The following PTPRK variants were observed in gnomAD, a reference collection of about 807,000 sequenced individuals.
PTPRK encodes the protein receptor-type tyrosine-protein phosphatase kappa.
In PTPRK, 75 loss-of-function variants were observed where a neutral mutation model predicts 178.0. The ratio of observed to expected loss-of-function variants is 0.42; its 90% CI spans 0.35 to 0.51. The LOEUF (loss-of-function observed/expected upper bound fraction) is 0.51, where lower values mean the gene tolerates loss of function less well. Ranked by LOEUF, PTPRK falls within the 20% of genes least tolerant of loss-of-function variation. The pLI, the probability that PTPRK is intolerant of heterozygous loss-of-function variation, is 0.02. For missense variants in PTPRK, 1,441 were observed against 1,797.8 expected, an observed-to-expected ratio of 0.80 and a Z score of 3.59; for synonymous variants, 637 against 620.6, an observed-to-expected ratio of 1.03 and a Z score of -0.39.
intron 10 of PTPRK, 131 bp from the exon 11 acceptor site, chr6:128,079,049 T>G: frequency 2.0e-6 from 1 of 493,228 alleles, no homozygotes; most frequent in East Asian, 3.0e-5. Context: ...TTTTGTTTTA[T>G]AGCATAACAT....
intron 7 of PTPRK, among the ~76,000 whole-genome samples, chr6:128,147,947 A>G (rs976005077): frequency 6.6e-6 from 1 of 152,014 alleles, no homozygotes; most frequent in African/African-American, 2.4e-5. Flanking sequence ...TATTGTGGAG[A>G]AGGTTAAAAG....
chr6:128,428,782 T>C (rs1195609738), intron 1 of PTPRK, among the ~76,000 whole-genome samples: 1 of 152,224 alleles, frequency 6.6e-6, no homozygotes, highest in Non-Finnish European at 1.5e-5. Context: ...AAAGGTCATA[T>C]ACATTCAGTA....
chr6:128,074,742 T>C (rs937423962), intron 11 of PTPRK, among the ~76,000 whole-genome samples: 1 of 152,048 alleles, frequency 6.6e-6, no homozygotes, highest in Admixed American at 6.6e-5. Flanking sequence ...TACATTAGCA[T>C]AGGGAAGCAG....
intron 5 of PTPRK, among the ~76,000 whole-genome samples, chr6:128,237,462 C>T (rs1813500264): frequency 6.6e-6 from 1 of 152,096 alleles, no homozygotes; most frequent in Non-Finnish European, 1.5e-5. Context: ...TTTCCCCATG[C>T]AAAACGAATT....
chr6:128,162,843 T>C (rs1483283915), intron 7 of PTPRK, among the ~76,000 whole-genome samples: 3 of 151,648 alleles, frequency 2.0e-5, no homozygotes, highest in Admixed American at 6.6e-5. Context: ...TTTTTCTATG[T>C]GATTAGCACA....
At chr6:128,063,155 C>T (rs1284167663) in intron 13 of PTPRK, among the ~76,000 whole-genome samples, 1 of 152,156 alleles carries the variant, frequency 6.6e-6, no homozygotes, top group Non-Finnish European at 1.5e-5. Flanking sequence ...CTACACCACA[C>T]CACACTGCAT....
chr6:128,190,283 A>C (rs777988330), intron 6 of PTPRK, among the ~76,000 whole-genome samples: 1 of 152,078 alleles, frequency 6.6e-6, no homozygotes, highest in Non-Finnish European at 1.5e-5. Flanking sequence ...TCAAATTTTC[A>C]GTTCTCACAA....
At chr6:128,212,175 T>C (rs1808310794) in intron 6 of PTPRK, among the ~76,000 whole-genome samples, 1 of 152,098 alleles carries the variant, frequency 6.6e-6, no homozygotes, top group Admixed American at 6.6e-5. Context: ...TACTCAATAA[T>C]TCTACATTTC....
intron 6 of PTPRK, among the ~76,000 whole-genome samples, chr6:128,207,909 T>C (rs1807265233): frequency 6.6e-6 from 1 of 152,078 alleles, no homozygotes; most frequent in African/African-American, 2.4e-5. Flanking sequence ...AAGGTTTTAA[T>C]TCAGCTCCAT....
At chr6:128,221,509 G>C (rs183826955) in intron 5 of PTPRK, among the ~76,000 whole-genome samples, 1 of 148,708 alleles carries the variant, frequency 6.7e-6, no homozygotes, top group East Asian at 2.0e-4. Context: ...GGGTGATAGA[G>C]CAAGATTCTG....
intron 2 of PTPRK, among the ~76,000 whole-genome samples, chr6:128,346,753 G>A (rs1475034187): frequency 1.3e-5 from 2 of 152,016 alleles, no homozygotes; most frequent in Non-Finnish European, 2.9e-5. Flanking sequence ...CCCTTCATCT[G>A]TCAAACAGAG....
chr6:128,507,871 C>T (rs1856598480), intron 1 of PTPRK, among the ~76,000 whole-genome samples: 1 of 152,186 alleles, frequency 6.6e-6, no homozygotes, highest in South Asian at 2.1e-4. Flanking sequence ...GCTCTCTCCT[C>T]TGCCTGACTT....
intron 3 of PTPRK, among the ~76,000 whole-genome samples, chr6:128,289,081 C>A (rs1482231856): frequency 2.0e-5 from 3 of 151,958 alleles, no homozygotes; most frequent in Admixed American, 6.6e-5. Context: ...TTGCATTAGA[C>A]CCATCTAAAA....
In PTPRK at chr6:128,222,305, T is replaced by A. The variant is rs142454665; in HGVS notation, c.694-3209A>T. The stretch of plus-strand genomic sequence containing the variant: ...TACTATCTCAAAGGAGGGTACATTT[T>A]ATGGTACCTTACACCCTCTTTCAGG... On this transcript the variant is annotated intron_variant, in intron 5 of 29. Transcript: ENST00000368226. Among the ~76,000 whole-genome samples, 1,428 of 152,336 alleles carry A rather than the reference T, an allele frequency of 9.4e-3. 22 individuals carry two copies. Among genetic ancestry groups the A allele is most frequent in the Admixed American group, 0.036 (549 of 15,304 alleles).
intron 11 of PTPRK, among the ~76,000 whole-genome samples, chr6:128,074,209 T>G (rs947476981): frequency 2.0e-5 from 3 of 152,070 alleles, no homozygotes; most frequent in East Asian, 3.9e-4. Context: ...CAAAACAAAG[T>G]AACCTTAGAA....
At chr6:128,328,147 A>C (rs1290649858) in intron 2 of PTPRK, among the ~76,000 whole-genome samples, 1 of 152,204 alleles carries the variant, frequency 6.6e-6, no homozygotes, top group African/African-American at 2.4e-5. Flanking sequence ...AATTCAACCA[A>C]GAATAGATGA....
chr6:128,425,171 G>A (rs763675262), intron 1 of PTPRK, among the ~76,000 whole-genome samples: 5 of 149,446 alleles, frequency 3.3e-5, no homozygotes, highest in African/African-American at 7.4e-5. Context: ...TCCGCCTCCC[G>A]GGTTCAAGTG....
chr6:128,410,895 T>C (rs1414931919), intron 1 of PTPRK, among the ~76,000 whole-genome samples: 3 of 152,142 alleles, frequency 2.0e-5, no homozygotes, highest in Non-Finnish European at 2.9e-5. Flanking sequence ...CGTTTGTTTG[T>C]TTATTTTCTT....
intron 3 of PTPRK, among the ~76,000 whole-genome samples, chr6:128,297,027 A>C (rs1209802953): frequency 1.3e-5 from 2 of 151,628 alleles, no homozygotes; most frequent in African/African-American, 2.4e-5. Flanking sequence ...AGGATGGAGG[A>C]AGATCTACCA....
Sources: gnomAD v4.1 joint callset for allele counts (sites outside exome capture counted in the v4.1 genomes callset) on GRCh38, gnomAD v4.1.1 for gene constraint, MANE v1.5 for transcripts, NCBI Gene and HGNC (gene_info 2026-07-23, HGNC 2026-07-21) for gene names.